The following SORBS2 variants were observed in gnomAD, a reference collection of about 807,000 sequenced individuals.
SORBS2 encodes sorbin and SH3 domain-containing protein 2.
Under a neutral mutation model 97.7 loss-of-function variants are expected in SORBS2, and 46 were observed. The ratio of observed to expected loss-of-function variants is 0.47; its 90% confidence interval spans 0.37 to 0.60. The LOEUF (loss-of-function observed/expected upper bound fraction) is 0.60, where lower values mean the gene tolerates loss of function less well. SORBS2 is among the 20% of genes least tolerant of loss of function. The pLI, the probability that SORBS2 is intolerant of heterozygous loss-of-function variation, is 0.00. For synonymous variants in SORBS2, 476 were observed against 473.4 expected, an observed-to-expected ratio of 1.01 and a Z score of -0.07; for missense variants, 1,316 against 1,282.3, an observed-to-expected ratio of 1.03 and a Z score of -0.40.
intron 1 of SORBS2, among the ~76,000 whole-genome samples, chr4:185,951,605 T>G (rs1008771636): frequency 6.6e-6 from 1 of 151,886 alleles, no homozygotes; most frequent in Non-Finnish European, 1.5e-5. Flanking sequence ...TCTGTCAGAC[T>G]TGCTTGGGCA....
intron 1 of SORBS2, among the ~76,000 whole-genome samples, chr4:185,788,810 A>C (rs2099067822): frequency 6.6e-6 from 1 of 152,220 alleles, no homozygotes; most frequent in Admixed American, 6.5e-5. Context: ...TCTAAATTGC[A>C]GAGCCTCCAC....
chr4:185,728,880 T>G (rs574724017), intron 2 of SORBS2, among the ~76,000 whole-genome samples: 51 of 152,336 alleles, frequency 3.3e-4, no homozygotes, highest in African/African-American at 1.2e-3. Context: ...CAGTGGCATC[T>G]CCAGCCCTGG....
At chr4:185,938,008 C>CTTT (rs529655739) in intron 1 of SORBS2, among the ~76,000 whole-genome samples, 5 of 121,318 alleles carry the variant, frequency 4.1e-5, no homozygotes, top group African/African-American at 6.3e-5. Context: ...AGAAATCATT[C>CTTT]TTTTTTTTTT....
At chr4:185,925,848 C>A (rs764627836) in intron 1 of SORBS2, among the ~76,000 whole-genome samples, 1 of 152,096 alleles carries the variant, frequency 6.6e-6, no homozygotes, top group African/African-American at 2.4e-5. Context: ...GGTGACAGGG[C>A]GCTATAAGAA....
chr4:185,666,603 C>A (rs759670982), intron 4 of SORBS2, among the ~76,000 whole-genome samples: 36 of 152,188 alleles, frequency 2.4e-4, no homozygotes, highest in Non-Finnish European at 3.7e-4. Context: ...TCCCCCTTGC[C>A]AAAATGTCCC....
At chr4:185,900,067 T>A (rs1267288072) in intron 1 of SORBS2, among the ~76,000 whole-genome samples, 1 of 152,118 alleles carries the variant, frequency 6.6e-6, no homozygotes, top group East Asian at 1.9e-4. Flanking sequence ...TCGTGTGCTA[T>A]GATCACACCT....
chr4:185,822,842 A>C (rs1308405623), intron 1 of SORBS2, among the ~76,000 whole-genome samples: 1 of 152,188 alleles, frequency 6.6e-6, no homozygotes, highest in Non-Finnish European at 1.5e-5. Flanking sequence ...GAGTATAAAG[A>C]TTTTACATTT....
At chr4:185,947,244 T>G (rs2099274962) in intron 1 of SORBS2, among the ~76,000 whole-genome samples, 1 of 152,188 alleles carries the variant, frequency 6.6e-6, no homozygotes, top group South Asian at 2.1e-4. Context: ...ATGGCACTCT[T>G]ATGGGATCTG....
chr4:185,801,007 C>T (rs1027180209), intron 1 of SORBS2, among the ~76,000 whole-genome samples: 6 of 152,174 alleles, frequency 3.9e-5, no homozygotes, highest in Admixed American at 3.9e-4. Context: ...CTTATTTGTC[C>T]TATAACTGAA....
chr4:185,745,435 C>G (rs541322130), intron 2 of SORBS2, among the ~76,000 whole-genome samples: 4 of 152,290 alleles, frequency 2.6e-5, no homozygotes, highest in African/African-American at 7.2e-5. Context: ...TAAGAATTAA[C>G]TAATCATGGT....
At chr4:185,913,850 T>A (rs2099256662) in intron 1 of SORBS2, among the ~76,000 whole-genome samples, 1 of 152,222 alleles carries the variant, frequency 6.6e-6, no homozygotes, top group African/African-American at 2.4e-5. Context: ...GAAGATCCAA[T>A]ATCTAAAATG....
intron 1 of SORBS2, among the ~76,000 whole-genome samples, chr4:185,933,914 G>A (rs951821960): frequency 6.6e-6 from 1 of 152,186 alleles, no homozygotes; most frequent in Non-Finnish European, 1.5e-5. Context: ...AGGAACATAA[G>A]TTGACCTCCA....
In SORBS2 at chr4:185,806,452, T is replaced by TGG. The variant is rs1561148198; in HGVS notation, c.-337-31087_-337-31086insCC. 9.5e-5 allele frequency among the ~76,000 whole-genome samples: 7 copies of TGG among 73,922 alleles called. 1 individual carries two copies. The East Asian group carries it at 1.1e-3, about 12-fold the overall frequency. The allele number at this position is 73,922 out of a possible 152,430, so 48.5% of individuals were successfully genotyped here. A position where few individuals can be genotyped will look rare whatever the true frequency, so the allele number is the denominator to read the frequency against. ...TAGAATCCTATTTTTTTTTTTTTTT[T>TGG]TTTTTTTTTTTTTTTTTTTTTTTGA... On this transcript the variant is annotated intron_variant, in intron 1 of 20. Coordinates refer to the SORBS2 transcript ENST00000284776.
chr4:185,897,425 T>C (rs1233195043), intron 1 of SORBS2, among the ~76,000 whole-genome samples: 1 of 152,202 alleles, frequency 6.6e-6, no homozygotes, highest in Non-Finnish European at 1.5e-5. Flanking sequence ...TCCAATCCTA[T>C]GCCTACACAG....
At chr4:185,944,167 A>G (rs72709785) in intron 1 of SORBS2, among the ~76,000 whole-genome samples, 19,692 of 152,194 alleles carry the variant, frequency 0.13, 1,562 homozygotes, top group Middle Eastern at 0.24. Context: ...CTCATACGGA[A>G]AGCCAAACGC....
chr4:185,670,811 G>A (rs910063054), intron 4 of SORBS2, among the ~76,000 whole-genome samples: 9 of 152,074 alleles, frequency 5.9e-5, no homozygotes, highest in African/African-American at 1.4e-4. Flanking sequence ...GTCTGTTGCC[G>A]GATCATCATT....
rs143244694 is a variant in SORBS2 at position 185,607,155 on chromosome 4, G to C, written c.2796+4625C>G. Reference sequence around the variant, plus strand: ...TTGGTTTGGCTTGGTCAGCTGACAAGGTTAAAGCACCAAGCTTCTCCAATT... The same window carrying C: ...TTGGTTTGGCTTGGTCAGCTGACAACGTTAAAGCACCAAGCTTCTCCAATT... On this transcript the variant is annotated intron_variant, in intron 12 of 14. Transcript: ENST00000418609. This position sits in a 1 kb window ranked among gnomAD's most constrained non-coding sequence, Gnocchi z 5.2. The C allele has an allele frequency of 1.8e-6, 2 of 1,116,052 alleles. No homozygotes were observed. Among genetic ancestry groups the C allele is most frequent in the African/African-American group, 3.4e-5 (2 of 58,948 alleles). 69.1% of individuals were successfully genotyped at this position (1,116,052 alleles called of 1,614,324 possible).
chr4:185,743,117 T>A (rs943665376), intron 2 of SORBS2, among the ~76,000 whole-genome samples: 2 of 152,234 alleles, frequency 1.3e-5, no homozygotes, highest in African/African-American at 4.8e-5. Context: ...AAGGTTGAGG[T>A]TCCGGAGTGC....
intron 2 of SORBS2, among the ~76,000 whole-genome samples, chr4:185,681,080 C>T (rs1265783171): frequency 2.0e-5 from 3 of 152,084 alleles, no homozygotes; most frequent in Non-Finnish European, 4.4e-5. Context: ...AGAAAATGGC[C>T]ATTGAGTCGA....
Sources: allele counts gnomAD v4.1 joint callset (sites outside exome capture counted in the v4.1 genomes callset), GRCh38; gene constraint gnomAD v4.1.1; non-coding constraint Gnocchi (gnomAD v3.1); transcripts MANE v1.5; gene names NCBI Gene and HGNC (gene_info 2026-07-23, HGNC 2026-07-21).